The following CAST variants were observed in gnomAD, a reference collection of about 807,000 sequenced individuals.
CAST encodes the protein calpastatin, also known as MIR583 host.
In CAST, 76 loss-of-function variants were observed where a neutral mutation model predicts 119.6. That is an observed-to-expected ratio of 0.64 (90% CI 0.53 to 0.77). CAST has a LOEUF of 0.77. CAST is among the 30% of genes least tolerant of loss of function. CAST has a pLI of 0.00. For missense variants in CAST, 953 were observed against 946.5 expected, an observed-to-expected ratio of 1.01 and a Z score of -0.09; for synonymous variants, 319 against 331.6, an observed-to-expected ratio of 0.96 and a Z score of 0.41.
At chr5:96,508,852 G>A in the CAST span, among the ~76,000 whole-genome samples, 36 of 152,324 alleles carry the variant, frequency 2.4e-4, no homozygotes, top group East Asian at 5.8e-3. Context: ...AACTAAAATG[G>A]AGGGGAGAAA....
chr5:96,432,827 G>T, the CAST span: 1 of 1,596,702 alleles, frequency 6.3e-7, no homozygotes, highest in Non-Finnish European at 8.6e-7. Context: ...AGTCCCCTGG[G>T]GCCCCAGAAA....
chr5:96,243,751 G>C, the CAST span, among the ~76,000 whole-genome samples: 49 of 152,176 alleles, frequency 3.2e-4, no homozygotes, highest in Non-Finnish European at 6.9e-4. Flanking sequence ...GACATCTGCG[G>C]ATTTTTTCTG....
chr5:96,350,282 T>A, the CAST span, among the ~76,000 whole-genome samples: 1 of 152,138 alleles, frequency 6.6e-6, no homozygotes, highest in African/African-American at 2.4e-5. Context: ...GAGTCTTTGA[T>A]CAGCCTTTCA....
At chr5:96,356,103 T>G in the CAST span, among the ~76,000 whole-genome samples, 1 of 152,254 alleles carries the variant, frequency 6.6e-6, no homozygotes, top group Non-Finnish European at 1.5e-5. Flanking sequence ...ATTAGCTTTT[T>G]TAAATATGTT....
the CAST span, among the ~76,000 whole-genome samples, chr5:96,305,973 G>A: frequency 3.3e-5 from 5 of 152,208 alleles, no homozygotes; most frequent in South Asian, 4.1e-4. Flanking sequence ...CTCATAAAAT[G>A]TGTGAAGGAG....
At chr5:95,978,112 T>A in the CAST span, among the ~76,000 whole-genome samples, 5 of 152,138 alleles carry the variant, frequency 3.3e-5, no homozygotes. Context: ...TGAACACACG[T>A]GTGCATGTGT....
At chr5:96,196,340 G>A in the CAST span, among the ~76,000 whole-genome samples, 1 of 151,992 alleles carries the variant, frequency 6.6e-6, no homozygotes, top group Admixed American at 6.6e-5. Flanking sequence ...TCTAGGTTCT[G>A]TTTGCTTATT....
chr5:96,614,302 T>C (rs1000685698), intron 1 of CAST, among the ~76,000 whole-genome samples: 31 of 152,148 alleles, frequency 2.0e-4, no homozygotes, highest in African/African-American at 7.5e-4. Context: ...TGCGGTGAAG[T>C]GAATCAGAAT....
chr5:96,055,173 C>T, the CAST span, among the ~76,000 whole-genome samples: 1 of 152,040 alleles, frequency 6.6e-6, no homozygotes, highest in Admixed American at 6.6e-5. Flanking sequence ...ACCAGGTCCT[C>T]CCACCTGGAC....
the CAST span, among the ~76,000 whole-genome samples, chr5:96,162,655 T>G: frequency 6.6e-6 from 1 of 152,278 alleles, no homozygotes; most frequent in East Asian, 1.9e-4. Context: ...TGACCCGAGG[T>G]AATCCATCCG....
the CAST span, among the ~76,000 whole-genome samples, chr5:96,241,810 G>T: frequency 1.3e-5 from 2 of 151,138 alleles, no homozygotes; most frequent in Admixed American, 1.3e-4. Context: ...TTCTCTGATG[G>T]CCAGTGATGG....
chr5:96,175,683 G>A, the CAST span, among the ~76,000 whole-genome samples: 1 of 152,174 alleles, frequency 6.6e-6, no homozygotes, highest in African/African-American at 2.4e-5. Context: ...AACTATCTAT[G>A]GAACAATGTG....
the CAST span, among the ~76,000 whole-genome samples, chr5:95,975,742 C>T: frequency 2.0e-5 from 3 of 152,112 alleles, no homozygotes; most frequent in Non-Finnish European, 4.4e-5. Context: ...ATTTCCAGGT[C>T]ATCTATGCAT....
At chr5:96,467,720 A>T in the CAST span, among the ~76,000 whole-genome samples, 4 of 39,568 alleles carry the variant, frequency 1.0e-4, no homozygotes, top group African/African-American at 2.1e-4. Flanking sequence ...ATTAAAAAGT[A>T]AAAAAAAACA....
the CAST span, among the ~76,000 whole-genome samples, chr5:96,292,409 G>A: frequency 1.3e-5 from 2 of 152,134 alleles, no homozygotes; most frequent in Non-Finnish European, 2.9e-5. Context: ...AGACAAATTA[G>A]TTCTCAACGT....
chr5:95,972,419 T>C, the CAST span, among the ~76,000 whole-genome samples: 1 of 152,176 alleles, frequency 6.6e-6, no homozygotes, highest in African/African-American at 2.4e-5. Flanking sequence ...TTTTAAGTCA[T>C]TCTAGAGCAT....
chr5:96,409,259 C>T, the CAST span, among the ~76,000 whole-genome samples: 2 of 152,140 alleles, frequency 1.3e-5, no homozygotes, highest in South Asian at 2.1e-4. Flanking sequence ...AGTTCTAGCT[C>T]GAGATTTCGA....
At chr5:96,551,621 G>A (rs541275677) in intron 1 of CAST, among the ~76,000 whole-genome samples, 1 of 151,714 alleles carries the variant, frequency 6.6e-6, no homozygotes, top group Admixed American at 6.6e-5. Flanking sequence ...GACAAAGACT[G>A]GCAAATTGGA....
At chr5:96,667,942 G>A (rs960126849) in intron 1 of CAST, among the ~76,000 whole-genome samples, 1 of 152,216 alleles carries the variant, frequency 6.6e-6, no homozygotes, top group Non-Finnish European at 1.5e-5. Context: ...GTGAACCCGC[G>A]AGGCGGAGCT....
Sources: gnomAD v4.1 joint callset for allele counts (sites outside exome capture counted in the v4.1 genomes callset) on GRCh38, gnomAD v4.1.1 for gene constraint, MANE v1.5 for transcripts, NCBI Gene and HGNC (gene_info 2026-07-23, HGNC 2026-07-21) for gene names.